YWHAB: variants seen among roughly 807,000 people sequenced by gnomAD.
YWHAB encodes tyrosine 3-monooxygenase/tryptophan 5-monooxygenase activation protein beta, also known as 14-3-3 protein beta/alpha.
YWHAB carries 2 observed loss-of-function variants against 28.5 expected under a neutral mutation model. The ratio of observed to expected loss-of-function variants is 0.07; its 90% confidence interval spans 0.03 to 0.22. The LOEUF (loss-of-function observed/expected upper bound fraction) is 0.22, where lower values mean the gene tolerates loss of function less well. Among genes scored for constraint, YWHAB ranks in the 10% least tolerant of loss-of-function variants. The probability of loss-of-function intolerance (pLI) is 1.00; values close to 1 mark genes in which losing one functional copy is unlikely to be tolerated. For synonymous variants in YWHAB, 103 were observed against 104.7 expected, an observed-to-expected ratio of 0.98 and a Z score of 0.10; for missense variants, 148 against 297.1, an observed-to-expected ratio of 0.50 and a Z score of 3.69.
intron 1 of YWHAB, among the ~76,000 whole-genome samples, chr20:44,889,309 C>G (rs985120551): frequency 2.0e-5 from 3 of 152,130 alleles, no homozygotes; most frequent in Non-Finnish European, 4.4e-5. Flanking sequence ...TGCTTTCTGT[C>G]TCATGATATG....
chr20:44,894,358 A>G (rs2066582868), intron 1 of YWHAB, among the ~76,000 whole-genome samples: 1 of 152,194 alleles, frequency 6.6e-6, no homozygotes. Context: ...TTAGGAGACA[A>G]ATAAAGAGTA....
rs775632748 is a variant in YWHAB at position 44,906,504 on chromosome 20, TAA to T, written c.*88_*89del. ...CCCTCAACATATATCCCTTGTGCGA[TAA>T]AAAAAAAAAAAAAAAAAAAAAGAGA... On this transcript the variant is annotated 3_prime_UTR_variant, in exon 6 of 6. Coordinates refer to ENST00000353703, the MANE Select transcript of YWHAB (RefSeq NM_139323.4). 21,307 of 352,222 alleles carry T rather than the reference TAA, an allele frequency of 0.06. 384 individuals are homozygous for T. Among genetic ancestry groups the T allele is most frequent in the African/African-American group, 0.21 (6,563 of 31,260 alleles). 21.8% of individuals were successfully genotyped at this position (352,222 alleles called of 1,614,324 possible).
intron 1 of YWHAB, chr20:44,886,261 C>T (rs1371766709): frequency 6.6e-6 from 1 of 152,282 alleles, no homozygotes; most frequent in Non-Finnish European, 1.5e-5. Flanking sequence ...TCAGCCCTGT[C>T]ACCTCTGCTC....
rs1050340393 is a variant in YWHAB at position 44,907,598 on chromosome 20, G to A, written c.*1160G>A. ...TTCTTTCCCACCATCCTTTTTGACT[G>A]TTGACCTTGGTTTTCTCTTCTAAGT... On this transcript the variant is annotated 3_prime_UTR_variant, in exon 6 of 6. Coordinates refer to ENST00000353703, the MANE Select transcript of YWHAB (RefSeq NM_139323.4). The A allele has an allele frequency of 6.6e-6, 1 of 152,186 alleles. No individual in the cohort carries two copies. Among genetic ancestry groups the A allele is most frequent in the Admixed American group, 6.5e-5 (1 of 15,274 alleles). The allele number at this position is 152,186 out of a possible 1,614,324, so 9.4% of individuals were successfully genotyped here. A position where few individuals can be genotyped will look rare whatever the true frequency, so the allele number is the denominator to read the frequency against.
intron 1 of YWHAB, among the ~76,000 whole-genome samples, chr20:44,895,303 A>G (rs1203390322): frequency 6.6e-6 from 1 of 152,202 alleles, no homozygotes; most frequent in Non-Finnish European, 1.5e-5. Context: ...CCTGAGAGAA[A>G]GGTACATGTT....
At chr20:44,886,963 G>A (rs1170377540) in intron 1 of YWHAB, 1 of 152,198 alleles carries the variant, frequency 6.6e-6, no homozygotes, top group African/African-American at 2.4e-5. Context: ...TCAGCCTCGG[G>A]AACCAAAAGA....
chr20:44,899,812 T>G (rs1421000350), intron 1 of YWHAB, among the ~76,000 whole-genome samples: 1 of 152,198 alleles, frequency 6.6e-6, no homozygotes, highest in Non-Finnish European at 1.5e-5. Context: ...CACTAGGATT[T>G]TTGTCTATTT....
At chr20:44,893,677 C>G (rs750920145) in intron 1 of YWHAB, among the ~76,000 whole-genome samples, 1 of 147,810 alleles carries the variant, frequency 6.8e-6, no homozygotes. Context: ...TACCATCTAT[C>G]TCCTTCCCTC....
At chr20:44,904,711 T>G (rs1249744195) in intron 3 of YWHAB, among the ~76,000 whole-genome samples, 1 of 152,244 alleles carries the variant, frequency 6.6e-6, no homozygotes, top group Non-Finnish European at 1.5e-5. Context: ...CATTCTATAT[T>G]GTTAAAGGTT....
intron 3 of YWHAB, 140 bp from the exon 4 acceptor site, chr20:44,904,828 A>G: frequency 1.3e-6 from 1 of 746,838 alleles, no homozygotes; most frequent in Non-Finnish European, 2.0e-6. Context: ...GTATAATTGA[A>G]TGGCAGAGAC....
intron 5 of YWHAB, 125 bp downstream of exon 5, chr20:44,906,221 TATAA>T (rs1271434809): frequency 8.8e-7 from 1 of 1,136,126 alleles, no homozygotes; most frequent in East Asian, 2.4e-5. Context: ...TTAAATTTGT[TATAA>T]ATGACTGCTG....
rs141884138 is a variant in YWHAB, at chr20:44,885,754, T to TCCC, written c.-135_-134insCCC. ...GCCGCCGATTCCGGAGCCGGGGTAG[T>TCCC]CGCCGCCGCCGCCGCCGCTGCAGCC... On this transcript the variant is annotated 5_prime_UTR_variant, in exon 1 of 6. Transcript: ENST00000353703. The TCCC allele has an allele frequency of 5.6e-6, 1 of 177,776 alleles. No homozygotes were observed. The highest frequency in any genetic ancestry group is 2.4e-5 in the African/African-American group (1 of 41,438). 11.0% of individuals were successfully genotyped at this position (177,776 alleles called of 1,614,324 possible).
At chr20:44,892,592 T>C (rs1478486315) in intron 1 of YWHAB, among the ~76,000 whole-genome samples, 1 of 152,232 alleles carries the variant, frequency 6.6e-6, no homozygotes, top group Non-Finnish European at 1.5e-5. Flanking sequence ...TTGTTAGTTA[T>C]TTCAACACAC....
chr20:44,908,364 CCCG>C lies in YWHAB; in HGVS notation c.*1927_*1929del, dbSNP rs1568639190. On this transcript the variant is annotated 3_prime_UTR_variant, in exon 6 of 6. Transcript: ENST00000353703. ...ATGGTTATATTGCCTAGCAAGCACA[CCCG>C]TGGTTGTGAAAATAGTATAGCAAAA... 2.0e-5 allele frequency: 3 copies of C among 152,502 alleles called. No individual in the cohort carries two copies. The highest frequency in any genetic ancestry group is 4.4e-5 in the Non-Finnish European group (3 of 68,020). 9.4% of individuals were successfully genotyped at this position (152,502 alleles called of 1,614,324 possible). A position where few individuals can be genotyped will look rare whatever the true frequency, so the allele number is the denominator to read the frequency against.
At chr20:44,891,820 A>T (rs73294334) in intron 1 of YWHAB, among the ~76,000 whole-genome samples, 3,336 of 152,286 alleles carry the variant, frequency 0.022, 134 homozygotes, top group African/African-American at 0.075. Context: ...AGTGCTAATG[A>T]CTTTGTATTA....
intron 1 of YWHAB, among the ~76,000 whole-genome samples, chr20:44,889,790 T>C (rs1231024218): frequency 6.6e-6 from 1 of 152,264 alleles, no homozygotes; most frequent in Admixed American, 6.5e-5. Context: ...TTTTAAAATT[T>C]CACTGTAACA....
chr20:44,905,928 T>C (rs2066653195), intron 4 of YWHAB, 73 bp from the exon 5 acceptor site: 2 of 1,152,040 alleles, frequency 1.7e-6, no homozygotes, highest in African/African-American at 1.5e-5. Context: ...TATATTCACC[T>C]AGCGGGAAAA....
In YWHAB at chr20:44,906,365, C is replaced by A; in HGVS notation, c.685-17C>A. ...TTTTAGTAGCCCTGCTTTGATTATA[C>A]TTCCTTTCTCTTGCAGCTGTGGACA... On this transcript the variant is annotated splice_polypyrimidine_tract_variant and intron_variant, in intron 5 of 5. Transcript: ENST00000353703. 1 of 1,612,810 alleles carries A rather than the reference C, an allele frequency of 6.2e-7. No individual in the cohort carries two copies.
At chr20:44,900,251 T>G (rs545131611) in intron 1 of YWHAB, among the ~76,000 whole-genome samples, 9 of 152,304 alleles carry the variant, frequency 5.9e-5, no homozygotes, top group Admixed American at 1.3e-4. Flanking sequence ...TCTTACTATG[T>G]TAGAGACTGA....
Sources: allele counts gnomAD v4.1 joint callset (sites outside exome capture counted in the v4.1 genomes callset), GRCh38; gene constraint gnomAD v4.1.1; transcripts MANE v1.5; gene names NCBI Gene and HGNC (gene_info 2026-07-23, HGNC 2026-07-21).